Variants in DOCK5 observed in about 807,000 individuals in gnomAD.
DOCK5 encodes dedicator of cytokinesis 5.
A neutral mutation model predicts 251.8 loss-of-function variants in DOCK5; 142 were observed. The ratio of observed to expected loss-of-function variants is 0.56; its 90% confidence interval spans 0.49 to 0.65. The LOEUF (loss-of-function observed/expected upper bound fraction) is 0.65, where lower values mean the gene tolerates loss of function less well. Among genes scored for constraint, DOCK5 ranks in the 30% least tolerant of loss-of-function variants. The pLI is 0.00. For synonymous variants in DOCK5, 842 were observed against 835.5 expected, an observed-to-expected ratio of 1.01 and a Z score of -0.13; for missense variants, 2,111 against 2,312.3, an observed-to-expected ratio of 0.91 and a Z score of 1.79.
chr8:25,408,676 T>G, intron 49 of DOCK5, 126 bp from the exon 50 acceptor site: 1 of 1,140,376 alleles, frequency 8.8e-7, no homozygotes, highest in South Asian at 1.5e-5. Flanking sequence ...ATGACAATGC[T>G]TAAAAATCGC....
In DOCK5 at chr8:25,300,627, G is replaced by C; in HGVS notation, c.816G>C (p.Glu272Asp). Residue 272 changes from glutamate to aspartate, a missense_variant, in exon 9 of 52, where the codon GAG becomes GAC. By Grantham distance (45) the Glu-to-Asp change is conservative (BLOSUM62 2). Transcript: ENST00000276440. ...GTAACGGGATGCCCAAGGAAATAGA[G>C]AAGCTCAATAACCTCCAAGCAGTGT... The part of the protein sequence containing the change: ...WGSNGMPKEI[E>D]KLNNLQAVFT... 6.2e-7 allele frequency: 1 copy of C among 1,613,372 alleles called. No homozygotes were observed. Among genetic ancestry groups the C allele is most frequent in the East Asian group, 2.2e-5 (1 of 44,862 alleles).
At chr8:25,359,983 G>T (rs1306793156) in intron 28 of DOCK5, among the ~76,000 whole-genome samples, 1 of 152,238 alleles carries the variant, frequency 6.6e-6, no homozygotes, top group Non-Finnish European at 1.5e-5. Context: ...GTCCATGAAG[G>T]TGTTATTAGA....
chr8:25,207,347 ACAT>A (rs1173169500), intron 1 of DOCK5, among the ~76,000 whole-genome samples: 2 of 152,226 alleles, frequency 1.3e-5, no homozygotes, highest in Non-Finnish European at 2.9e-5. Context: ...TACACTAACA[ACAT>A]ATTTTAAGTG....
At chr8:25,393,727 TTGTC>T (rs1328579059) in intron 44 of DOCK5, among the ~76,000 whole-genome samples, 1 of 152,206 alleles carries the variant, frequency 6.6e-6, no homozygotes, top group African/African-American at 2.4e-5. Flanking sequence ...GACCTGCCCT[TTGTC>T]TGTCCCCTGT....
chr8:25,332,216 C>T (rs1276888235), intron 18 of DOCK5, 35 bp from the exon 19 acceptor site: 2 of 1,543,314 alleles, frequency 1.3e-6, no homozygotes, highest in Non-Finnish European at 1.8e-6. Flanking sequence ...GGGTTGTTCT[C>T]ACCTGTATCT....
In DOCK5 at chr8:25,332,244, T is replaced by C. The variant is rs1805699047; in HGVS notation, c.1904-7T>C. ...CTGTATCTAATGTTTGTGGTTGTTC[T>C]TCCTAGTTGACCTGTTAGGCTTGTT... On this transcript the variant is annotated splice_polypyrimidine_tract_variant and splice_region_variant and intron_variant, in intron 18 of 51. Transcript: ENST00000276440. 1 of 1,611,464 alleles carries C rather than the reference T, an allele frequency of 6.2e-7. No individual in the cohort carries two copies. The highest frequency in any genetic ancestry group is 8.5e-7 in the Non-Finnish European group (1 of 1,177,754).
At chr8:25,366,815 C>T (rs1800784016) in intron 30 of DOCK5, 55 bp from the exon 31 acceptor site, 2 of 1,347,316 alleles carry the variant, frequency 1.5e-6, no homozygotes, top group Non-Finnish European at 2.1e-6. Context: ...TTTATTATGG[C>T]CCTTATTAAT....
chr8:25,408,674 G>A (rs1801565749), intron 49 of DOCK5, 128 bp from the exon 50 acceptor site: 4 of 1,074,788 alleles, frequency 3.7e-6, no homozygotes, highest in Non-Finnish European at 4.1e-6. Context: ...ATATGACAAT[G>A]CTTAAAAATC....
In DOCK5 at chr8:25,320,967, T is replaced by C. The variant is rs1191917916; in HGVS notation, c.1543-13T>C. ...GTGTGTCTGTAAACTATTAATTTCT[T>C]ACTATGACACAGGTATCCATTGCTA... On this transcript the variant is annotated splice_polypyrimidine_tract_variant and intron_variant, in intron 15 of 51. Transcript: ENST00000276440. 6.2e-7 allele frequency: 1 copy of C among 1,610,482 alleles called. No individual in the cohort carries two copies. Among genetic ancestry groups the C allele is most frequent in the South Asian group, 1.1e-5 (1 of 90,622 alleles).
At chr8:25,236,740 C>A (rs1230596552) in intron 1 of DOCK5, among the ~76,000 whole-genome samples, 1 of 151,446 alleles carries the variant, frequency 6.6e-6, no homozygotes, top group Non-Finnish European at 1.5e-5. Flanking sequence ...GCCACCACAC[C>A]CAGCTAGTTT....
rs755820411 is a variant in DOCK5, at chr8:25,374,639, C to T, written c.3801C>T (p.His1267=). 68 of 1,613,826 alleles carry T rather than the reference C, an allele frequency of 4.2e-5. No homozygotes were observed. Among genetic ancestry groups the T allele is most frequent in the Admixed American group, 3.7e-4 (22 of 59,998 alleles). ...AAGCTGCCTACACGCTTCTCTTGCA[C>T]GCTGAGCTTCTGCAGGTGAATGGCT... ...YTEAAYTLLL[H]AELLQWSDKP... is the part of the protein sequence containing the mutation. Residue 1267 remains histidine (H), a synonymous_variant, in exon 37 of 52, where the codon CAC becomes CAT. Transcript: ENST00000276440.
intron 1 of DOCK5, among the ~76,000 whole-genome samples, chr8:25,238,465 C>T (rs890737903): frequency 2.6e-5 from 4 of 152,152 alleles, no homozygotes; most frequent in African/African-American, 9.7e-5. Context: ...GAATAGATGA[C>T]GGCGGTGATT....
chr8:25,358,595 A>T (rs1321475925), intron 27 of DOCK5, among the ~76,000 whole-genome samples: 1 of 152,116 alleles, frequency 6.6e-6, no homozygotes, highest in Non-Finnish European at 1.5e-5. Context: ...GATTTGTTTA[A>T]CTAATCTAAG....
chr8:25,266,379 CTAATTTTTTG>C (rs1803752084), intron 2 of DOCK5, among the ~76,000 whole-genome samples: 1 of 151,350 alleles, frequency 6.6e-6, no homozygotes, highest in South Asian at 2.1e-4. Context: ...CCACGCCCGG[CTAATTTTTTG>C]TATTTTTAGT....
In DOCK5 at chr8:25,320,322, G is replaced by T. The variant is rs565031894; in HGVS notation, c.1542+646G>T. ...AATTGCATTCATATATCTCAATTTA[G>T]AATTAACCATTTTCAACAGTTTTCT... On this transcript the variant is annotated intron_variant, in intron 15 of 51. Coordinates refer to ENST00000276440, the MANE Select transcript of DOCK5 (RefSeq NM_024940.8). Among the ~76,000 whole-genome samples the T allele has an allele frequency of 3.5e-4, 54 of 152,242 alleles. No homozygotes were observed. In the South Asian group the frequency reaches 0.011, roughly 30 times the overall value.
At chr8:25,364,815 T>G in intron 30 of DOCK5, 111 bp downstream of exon 30, 7 of 788,028 alleles carry the variant, frequency 8.9e-6, no homozygotes, top group Non-Finnish European at 1.4e-5. Flanking sequence ...TGAAAAAGGT[T>G]TTCCTGTGTT....
At chr8:25,392,490 G>A (rs557070724) in intron 43 of DOCK5, among the ~76,000 whole-genome samples, 9 of 152,206 alleles carry the variant, frequency 5.9e-5, no homozygotes, top group African/African-American at 2.2e-4. Context: ...TAGACTAGGA[G>A]TCCAGAATCT....
At chr8:25,342,206 A>G (rs988609748) in intron 24 of DOCK5, among the ~76,000 whole-genome samples, 195 bp from the exon 25 acceptor site, 25 of 152,154 alleles carry the variant, frequency 1.6e-4, no homozygotes, top group Non-Finnish European at 1.2e-4. Flanking sequence ...TTAAATACTC[A>G]GCTCTAAGGC....
chr8:25,245,088 G>A (rs1005076169), intron 2 of DOCK5, among the ~76,000 whole-genome samples: 9 of 152,066 alleles, frequency 5.9e-5, no homozygotes, highest in African/African-American at 2.2e-4. Flanking sequence ...ACGGAGTCTC[G>A]CTCTGTCGCC....
Sources: allele counts gnomAD v4.1 joint callset (sites outside exome capture counted in the v4.1 genomes callset), GRCh38; gene constraint gnomAD v4.1.1; transcripts MANE v1.5; gene names NCBI Gene and HGNC (gene_info 2026-07-23, HGNC 2026-07-21).